Variants in ASPRV1 observed in about 807,000 individuals in gnomAD.
ASPRV1 encodes retroviral-like aspartic protease 1.
Under a neutral mutation model 11.0 loss-of-function variants are expected in ASPRV1, and 7 were observed. That is an observed-to-expected ratio of 0.64 (90% confidence interval 0.36 to 1.20). The LOEUF (loss-of-function observed/expected upper bound fraction) is 1.20, where lower values mean the gene tolerates loss of function less well. ASPRV1 is among the 50% of genes most tolerant of loss of function. The pLI is 0.02. For missense variants in ASPRV1, 299 were observed against 320.0 expected, an observed-to-expected ratio of 0.93 and a Z score of 0.50; for synonymous variants, 136 against 138.4, an observed-to-expected ratio of 0.98 and a Z score of 0.12.
At chr2:70,055,308 A>G in the ASPRV1 span, among the ~76,000 whole-genome samples, 1 of 151,396 alleles carries the variant, frequency 6.6e-6, no homozygotes, top group Non-Finnish European at 1.5e-5. Flanking sequence ...ACTCCGTCTC[A>G]AAAAAAAGAA....
At chr2:70,024,396 C>A in the ASPRV1 span, among the ~76,000 whole-genome samples, 2 of 152,138 alleles carry the variant, frequency 1.3e-5, no homozygotes, top group African/African-American at 4.8e-5. Flanking sequence ...TGGCTCTTGC[C>A]AGCCTGGGCC....
chr2:69,961,725 C>T (rs775152044), upstream of ASPRV1: 100 of 1,515,762 alleles, frequency 6.6e-5, no homozygotes, highest in Admixed American at 2.5e-4. Flanking sequence ...CTCCTCACCC[C>T]GCCCTCCTGC....
the ASPRV1 span, among the ~76,000 whole-genome samples, chr2:69,987,552 T>C: frequency 2.2e-5 from 3 of 133,454 alleles, no homozygotes; most frequent in African/African-American, 5.8e-5. Context: ...TCTAGACCAG[T>C]GCAGGCAACA....
At chr2:69,935,048 G>C in the ASPRV1 span, among the ~76,000 whole-genome samples, 1 of 152,296 alleles carries the variant, frequency 6.6e-6, no homozygotes, top group East Asian at 1.9e-4. Flanking sequence ...ACCATCATGA[G>C]TCAGGGACCA....
the ASPRV1 span, among the ~76,000 whole-genome samples, chr2:69,952,292 G>A: frequency 2.0e-5 from 3 of 152,264 alleles, no homozygotes; most frequent in Non-Finnish European, 2.9e-5. Context: ...CACTTTGGGC[G>A]GGAGAATTGC....
chr2:70,073,262 G>C, the ASPRV1 span: 2 of 152,012 alleles, frequency 1.3e-5, no homozygotes, highest in Admixed American at 1.3e-4. Context: ...TACTTCAAAG[G>C]CTCTTTTCAG....
At chr2:70,067,841 G>A in the ASPRV1 span, among the ~76,000 whole-genome samples, 2 of 152,138 alleles carry the variant, frequency 1.3e-5, no homozygotes. Context: ...GATCTACAAT[G>A]TTTTGGTATT....
At chr2:69,956,637 G>A (rs866472160), downstream of ASPRV1, among the ~76,000 whole-genome samples, 4 of 152,088 alleles carry the variant, frequency 2.6e-5, no homozygotes, top group African/African-American at 9.7e-5. Context: ...GGGTGCTGAG[G>A]CTAGTGGTGA....
chr2:70,031,782 C>T, the ASPRV1 span: 1 of 152,222 alleles, frequency 6.6e-6, no homozygotes, highest in African/African-American at 2.4e-5. Flanking sequence ...GATCCAGGTG[C>T]TCCAAAGATG....
chr2:70,086,838 G>C, the ASPRV1 span: 1 of 152,258 alleles, frequency 6.6e-6, no homozygotes, highest in Non-Finnish European at 1.5e-5. Context: ...GCAGAGCCGC[G>C]ATTCGGCAGG....
the ASPRV1 span, among the ~76,000 whole-genome samples, chr2:70,027,126 T>C: frequency 1.3e-5 from 2 of 151,554 alleles, no homozygotes; most frequent in African/African-American, 2.4e-5. Context: ...GGCGTGATGA[T>C]GTGCACCTGT....
chr2:69,937,096 A>G, the ASPRV1 span: 1 of 1,116,534 alleles, frequency 9.0e-7, no homozygotes, highest in Non-Finnish European at 1.4e-6. Context: ...TTCCTGTCTC[A>G]GGGAGAAGCT....
At chr2:70,015,425 A>C in the ASPRV1 span, 2 of 152,206 alleles carry the variant, frequency 1.3e-5, no homozygotes, top group East Asian at 3.9e-4. Context: ...CAACCAAATG[A>C]GGATCAAAAA....
the ASPRV1 span, among the ~76,000 whole-genome samples, chr2:69,985,395 A>T: frequency 6.6e-6 from 1 of 152,132 alleles, no homozygotes; most frequent in African/African-American, 2.4e-5. Flanking sequence ...CCATCTCACT[A>T]AATCCCCTTC....
the ASPRV1 span, among the ~76,000 whole-genome samples, chr2:70,082,143 TTG>T: frequency 0.098 from 14,841 of 151,264 alleles, 976 homozygotes; most frequent in South Asian, 0.24. Flanking sequence ...CCCAGCTAAT[TTG>T]TGTGTGTGTG....
the ASPRV1 span, among the ~76,000 whole-genome samples, chr2:70,020,256 T>C: frequency 6.6e-6 from 1 of 152,146 alleles, no homozygotes; most frequent in Non-Finnish European, 1.5e-5. Flanking sequence ...TACAATTGAA[T>C]TGAAAGTAGA....
chr2:69,993,706 G>A, the ASPRV1 span: 1 of 152,218 alleles, frequency 6.6e-6, no homozygotes, highest in Non-Finnish European at 1.5e-5. Flanking sequence ...AGTCCCTAAT[G>A]ACTTAAAACC....
chr2:70,086,524 T>A, the ASPRV1 span: 1 of 152,060 alleles, frequency 6.6e-6, no homozygotes, highest in Non-Finnish European at 1.5e-5. Flanking sequence ...GCCGCCCCCC[T>A]TGAGCCTGGC....
chr2:69,938,162 AGT>A, the ASPRV1 span: 1 of 1,613,906 alleles, frequency 6.2e-7, no homozygotes, highest in Non-Finnish European at 8.5e-7. Flanking sequence ...GAGCAGCAGC[AGT>A]GTGAGCGACT....
Sources: allele counts gnomAD v4.1 joint callset (sites outside exome capture counted in the v4.1 genomes callset), GRCh38; gene constraint gnomAD v4.1.1; transcripts MANE v1.5; gene names NCBI Gene and HGNC (gene_info 2026-07-23, HGNC 2026-07-21).